SORCS3: variants seen among roughly 807,000 people sequenced by gnomAD.
SORCS3 encodes the protein sortilin related VPS10 domain containing receptor 3.
SORCS3 carries 57 observed loss-of-function variants against 146.3 expected under a neutral mutation model. The ratio of observed to expected loss-of-function variants is 0.39; its 90% CI spans 0.31 to 0.49. SORCS3 has a LOEUF of 0.49. Among genes scored for constraint, SORCS3 ranks in the 20% least tolerant of loss-of-function variants. The probability of loss-of-function intolerance (pLI) is 0.92; values close to 1 mark genes in which losing one functional copy is unlikely to be tolerated. For missense variants in SORCS3, 1,341 were observed against 1,575.5 expected (o/e 0.85, Z 2.52); for synonymous variants, 653 against 618.5 (o/e 1.06, Z -0.83).
At chr10:105,046,338 A>C (rs1352542076) in intron 5 of SORCS3, among the ~76,000 whole-genome samples, 26 of 152,042 alleles carry the variant, frequency 1.7e-4, no homozygotes, top group Admixed American at 1.7e-3. Context: ...TAAGCTGCAC[A>C]TTTGCAAGTG....
intron 1 of SORCS3, among the ~76,000 whole-genome samples, chr10:104,758,466 T>A (rs2060193082): frequency 6.6e-6 from 1 of 152,206 alleles, no homozygotes; most frequent in Admixed American, 6.5e-5. Flanking sequence ...GGCACAGCCT[T>A]GAACCATAGA....
chr10:104,774,326 A>T (rs988076094), intron 1 of SORCS3, among the ~76,000 whole-genome samples: 1 of 152,052 alleles, frequency 6.6e-6, no homozygotes, highest in Non-Finnish European at 1.5e-5. Flanking sequence ...TCATGACTCA[A>T]CTTTGCAAGG....
intron 1 of SORCS3, among the ~76,000 whole-genome samples, chr10:104,642,414 A>G (rs1178178417): frequency 1.0e-5 from 1 of 97,820 alleles, no homozygotes; most frequent in Non-Finnish European, 1.9e-5. Context: ...GTCACGCGAA[A>G]GGGAACCCGG....
At chr10:105,142,003 G>A (rs1441324346) in intron 8 of SORCS3, among the ~76,000 whole-genome samples, 1 of 152,186 alleles carries the variant, frequency 6.6e-6, no homozygotes, top group Non-Finnish European at 1.5e-5. Flanking sequence ...TGGTCTGGGG[G>A]TAATAATACT....
At chr10:104,915,989 G>C in intron 3 of SORCS3, 57 bp downstream of exon 3, 2 of 1,351,364 alleles carry the variant, frequency 1.5e-6, no homozygotes, top group Non-Finnish European at 2.1e-6. Context: ...GTGCTGATTA[G>C]GGCCAGAGGT....
intron 1 of SORCS3, among the ~76,000 whole-genome samples, chr10:104,798,685 A>G (rs1564686632): frequency 6.6e-6 from 1 of 152,140 alleles, no homozygotes; most frequent in Admixed American, 6.5e-5. Flanking sequence ...TATTTACCCA[A>G]ACACATTGAA....
intron 9 of SORCS3, among the ~76,000 whole-genome samples, chr10:105,151,386 T>G (rs1314382957): frequency 6.6e-6 from 1 of 152,200 alleles, no homozygotes; most frequent in Non-Finnish European, 1.5e-5. Context: ...TTTTTTCCCC[T>G]CATATTTACA....
intron 2 of SORCS3, among the ~76,000 whole-genome samples, chr10:104,885,362 A>G (rs1013269570): frequency 6.6e-6 from 1 of 152,236 alleles, no homozygotes; most frequent in African/African-American, 2.4e-5. Context: ...AAGAGAGCAT[A>G]CACACTTGTG....
At chr10:104,898,249 T>A (rs1161527033) in intron 2 of SORCS3, among the ~76,000 whole-genome samples, 1 of 152,230 alleles carries the variant, frequency 6.6e-6, no homozygotes, top group Non-Finnish European at 1.5e-5. Context: ...TCTATCTTAT[T>A]ATACAGTGCC....
chr10:104,682,229 C>A (rs1420906795), intron 1 of SORCS3, among the ~76,000 whole-genome samples: 3 of 152,218 alleles, frequency 2.0e-5, no homozygotes, highest in Non-Finnish European at 2.9e-5. Flanking sequence ...TGGAAAAAAT[C>A]TTCATGCTAG....
intron 1 of SORCS3, among the ~76,000 whole-genome samples, chr10:104,829,593 G>C (rs1335672645): frequency 1.3e-5 from 2 of 152,170 alleles, no homozygotes; most frequent in Non-Finnish European, 2.9e-5. Context: ...TTTATGCCAT[G>C]AGGAATCTGG....
intron 3 of SORCS3, among the ~76,000 whole-genome samples, chr10:104,973,946 A>G (rs1191580920): frequency 3.3e-5 from 5 of 152,006 alleles, no homozygotes; most frequent in South Asian, 2.1e-4. Context: ...CCTTCATTTC[A>G]TTACGTACCC....
intron 2 of SORCS3, among the ~76,000 whole-genome samples, chr10:104,893,271 G>A (rs1020650605): frequency 1.3e-5 from 2 of 152,178 alleles, no homozygotes; most frequent in Non-Finnish European, 2.9e-5. Flanking sequence ...TTGTAAAAGA[G>A]TAACGTAATG....
At chr10:105,081,376 T>C (rs2055624471) in intron 5 of SORCS3, among the ~76,000 whole-genome samples, 1 of 152,168 alleles carries the variant, frequency 6.6e-6, no homozygotes, top group Admixed American at 6.5e-5. Context: ...GGTACTAATG[T>C]TCCAAGTTGG....
chr10:105,091,755 T>C (rs559798262), intron 6 of SORCS3, among the ~76,000 whole-genome samples: 1 of 152,288 alleles, frequency 6.6e-6, no homozygotes, highest in Admixed American at 6.5e-5. Flanking sequence ...AAAATTATAT[T>C]ATCCAATTCT....
At chr10:105,237,900 T>C (rs2056802132) in intron 20 of SORCS3, among the ~76,000 whole-genome samples, 1 of 152,212 alleles carries the variant, frequency 6.6e-6, no homozygotes, top group Non-Finnish European at 1.5e-5. Flanking sequence ...TGTGTTGGTG[T>C]GACTAGGTTA....
chr10:104,913,918 G>A (rs1484748407), intron 2 of SORCS3, among the ~76,000 whole-genome samples: 1 of 151,972 alleles, frequency 6.6e-6, no homozygotes, highest in Non-Finnish European at 1.5e-5. Flanking sequence ...ACAGGTGTGT[G>A]CCACCATGCC....
At chr10:104,778,858 T>G in intron 1 of SORCS3, among the ~76,000 whole-genome samples, 1 of 152,128 alleles carries the variant, frequency 6.6e-6, no homozygotes, top group East Asian at 1.9e-4. Context: ...TCTCCACTCC[T>G]GGAACCTGTG....
chr10:105,208,845 A>G (rs1480602511), intron 16 of SORCS3, among the ~76,000 whole-genome samples: 1 of 152,172 alleles, frequency 6.6e-6, no homozygotes, highest in East Asian at 1.9e-4. Context: ...CTGAGTCCAT[A>G]CGAACTGTCA....
Sources: allele counts gnomAD v4.1 joint callset (sites outside exome capture counted in the v4.1 genomes callset), GRCh38; gene constraint gnomAD v4.1.1; transcripts MANE v1.5; gene names NCBI Gene and HGNC (gene_info 2026-07-23, HGNC 2026-07-21).